AGBL4: variants seen among roughly 807,000 people sequenced by gnomAD.
AGBL4 encodes the protein AGBL carboxypeptidase 4.
In AGBL4, 58 loss-of-function variants were observed where a neutral mutation model predicts 66.4. That is an observed-to-expected ratio of 0.87 (90% CI 0.71 to 1.09). AGBL4 has a LOEUF of 1.09. Among genes scored for constraint, AGBL4 ranks in the 50% least tolerant of loss-of-function variants. AGBL4 has a pLI of 0.00. For synonymous variants in AGBL4, 234 were observed against 222.9 expected (o/e 1.05, Z -0.44); for missense variants, 579 against 631.0 (o/e 0.92, Z 0.88).
chr1:49,798,858 A>C (rs1644792176), intron 2 of AGBL4, among the ~76,000 whole-genome samples: 1 of 152,166 alleles, frequency 6.6e-6, no homozygotes, highest in South Asian at 2.1e-4. Context: ...AGTGTTAATC[A>C]CCATGGAAAA....
intron 6 of AGBL4, among the ~76,000 whole-genome samples, chr1:48,675,542 A>G (rs1321523155): frequency 6.6e-6 from 1 of 152,258 alleles, no homozygotes; most frequent in African/African-American, 2.4e-5. Flanking sequence ...CTGGCATGCA[A>G]TAGTCCTCAA....
At chr1:49,784,036 C>G (rs1000223994) in intron 2 of AGBL4, among the ~76,000 whole-genome samples, 3 of 151,984 alleles carry the variant, frequency 2.0e-5, no homozygotes, top group African/African-American at 7.2e-5. Flanking sequence ...GGTCATAGAT[C>G]AAAAGTCTTA....
intron 2 of AGBL4, among the ~76,000 whole-genome samples, chr1:49,801,583 C>G (rs1644861722): frequency 6.6e-6 from 1 of 152,148 alleles, no homozygotes; most frequent in African/African-American, 2.4e-5. Flanking sequence ...TTGAATACAT[C>G]CCTGAGGATC....
rs116785182 is a variant in AGBL4, at chr1:48,642,280, G to C, written c.840-7676C>G. 3.6e-3 allele frequency among the ~76,000 whole-genome samples: 550 copies of C among 152,288 alleles called. 4 individuals are homozygous for C. The highest frequency in any genetic ancestry group is 0.013 in the African/African-American group (538 of 41,568). ...TTACCCTATAATGGTGGCCTTTTCG[G>C]CAAGGTGGTGTGACTGGGGACAAGG... On this transcript the variant is annotated intron_variant, in intron 8 of 13. Transcript: ENST00000371839.
intron 9 of AGBL4, among the ~76,000 whole-genome samples, chr1:48,618,957 G>T (rs1291093520): frequency 1.3e-5 from 2 of 151,886 alleles, no homozygotes; most frequent in Non-Finnish European, 2.9e-5. Flanking sequence ...AAAAAAAACG[G>T]GAAATCAATA....
At chr1:49,907,667 G>A (rs1231784839) in intron 1 of AGBL4, among the ~76,000 whole-genome samples, 1 of 152,120 alleles carries the variant, frequency 6.6e-6, no homozygotes, top group Non-Finnish European at 1.5e-5. Flanking sequence ...GAGGTTGAGA[G>A]ACAGAGATAA....
chr1:49,928,547 G>T (rs903137701), intron 1 of AGBL4, among the ~76,000 whole-genome samples: 2 of 152,072 alleles, frequency 1.3e-5, no homozygotes, highest in Non-Finnish European at 2.9e-5. Context: ...CCGCACCCGG[G>T]CTGAAGTACC....
intron 2 of AGBL4, among the ~76,000 whole-genome samples, chr1:49,757,301 T>A (rs1449723290): frequency 6.6e-6 from 1 of 152,242 alleles, no homozygotes; most frequent in African/African-American, 2.4e-5. Context: ...CCCAGCCTCA[T>A]GTATGTCAGT....
At chr1:48,783,312 G>C (rs10888622) in intron 6 of AGBL4, among the ~76,000 whole-genome samples, 81,589 of 151,824 alleles carry the variant, frequency 0.54, 23,349 homozygotes, top group Non-Finnish European at 0.65. Flanking sequence ...ATGCACTCCT[G>C]CTCATGAAGT....
intron 3 of AGBL4, among the ~76,000 whole-genome samples, chr1:49,644,090 G>T (rs1645837057): frequency 6.6e-6 from 1 of 151,534 alleles, no homozygotes; most frequent in African/African-American, 2.4e-5. Flanking sequence ...GTATATTCTT[G>T]TGAGGTTGTT....
intron 3 of AGBL4, among the ~76,000 whole-genome samples, chr1:49,261,483 A>T (rs1348054254): frequency 6.7e-6 from 1 of 150,288 alleles, no homozygotes; most frequent in South Asian, 2.1e-4. Context: ...AAATCAATGT[A>T]CAAAAATCAC....
At chr1:48,722,960 G>C (rs1647175833) in intron 6 of AGBL4, among the ~76,000 whole-genome samples, 1 of 152,184 alleles carries the variant, frequency 6.6e-6, no homozygotes, top group African/African-American at 2.4e-5. Context: ...AATCCTGTGA[G>C]ATAGATATTA....
intron 2 of AGBL4, among the ~76,000 whole-genome samples, chr1:49,760,207 A>G (rs1230950758): frequency 6.6e-6 from 1 of 152,130 alleles, no homozygotes; most frequent in East Asian, 1.9e-4. Context: ...CCTTTATCAG[A>G]TGGGTAGATT....
intron 3 of AGBL4, among the ~76,000 whole-genome samples, chr1:49,389,002 G>A (rs772663656): frequency 5.9e-5 from 9 of 152,072 alleles, no homozygotes; most frequent in Admixed American, 2.0e-4. Context: ...AATGTTTAGC[G>A]CAAGAAAACC....
At chr1:49,633,207 C>T (rs1300785570) in intron 3 of AGBL4, among the ~76,000 whole-genome samples, 1 of 152,168 alleles carries the variant, frequency 6.6e-6, no homozygotes, top group Non-Finnish European at 1.5e-5. Flanking sequence ...ATCAGTGACT[C>T]TTAAGGTACA....
At chr1:48,688,959 G>A (rs868470305) in intron 6 of AGBL4, among the ~76,000 whole-genome samples, 37 of 152,094 alleles carry the variant, frequency 2.4e-4, no homozygotes, top group African/African-American at 8.2e-4. Context: ...GCATCTATCA[G>A]GCAGTGGACA....
chr1:49,374,863 T>C (rs1281813712), intron 3 of AGBL4, among the ~76,000 whole-genome samples: 1 of 152,188 alleles, frequency 6.6e-6, no homozygotes, highest in Non-Finnish European at 1.5e-5. Flanking sequence ...TAGTTGACCA[T>C]GTCATACCTA....
intron 1 of AGBL4, among the ~76,000 whole-genome samples, chr1:49,980,759 C>T (rs907788209): frequency 6.6e-6 from 1 of 152,134 alleles, no homozygotes; most frequent in Non-Finnish European, 1.5e-5. Context: ...CAAGATCCCG[C>T]TTTCAATTGA....
At chr1:50,002,651 G>A (rs1000008813) in intron 1 of AGBL4, among the ~76,000 whole-genome samples, 2 of 152,086 alleles carry the variant, frequency 1.3e-5, no homozygotes, top group Admixed American at 6.5e-5. Flanking sequence ...TTACAGGCGT[G>A]AGCCACCGCG....
Sources: allele counts gnomAD v4.1 joint callset (sites outside exome capture counted in the v4.1 genomes callset), GRCh38; gene constraint gnomAD v4.1.1; transcripts MANE v1.5; gene names NCBI Gene and HGNC (gene_info 2026-07-23, HGNC 2026-07-21).